SLC12A1: variants seen among roughly 807,000 people sequenced by gnomAD.
SLC12A1 encodes Na-K-2Cl cotransporter.
Under a neutral mutation model 130.4 loss-of-function variants are expected in SLC12A1, and 89 were observed. The observed-to-expected ratio is 0.68, with a 90% CI of 0.58 to 0.81. The LOEUF is 0.81. SLC12A1 is among the 40% of genes least tolerant of loss of function. SLC12A1 has a pLI of 0.00. For synonymous variants in SLC12A1, 499 were observed against 460.0 expected, an observed-to-expected ratio of 1.08 and a Z score of -1.09; for missense variants, 1,310 against 1,336.4, an observed-to-expected ratio of 0.98 and a Z score of 0.31.
At chr15:48,287,568 G>T (rs757104365) in intron 21 of SLC12A1, among the ~76,000 whole-genome samples, 1 of 152,084 alleles carries the variant, frequency 6.6e-6, no homozygotes, top group Non-Finnish European at 1.5e-5. Flanking sequence ...AGTGCTTCAT[G>T]AATCAATTCC....
At chr15:48,266,108 T>C (rs111972616) in intron 17 of SLC12A1, among the ~76,000 whole-genome samples, 17 of 152,202 alleles carry the variant, frequency 1.1e-4, no homozygotes, top group African/African-American at 3.6e-4. Flanking sequence ...GGCTATCATA[T>C]TGGGCAGTGA....
chr15:48,264,714 CTAA>C (rs1412682778), intron 17 of SLC12A1, among the ~76,000 whole-genome samples: 1 of 151,970 alleles, frequency 6.6e-6, no homozygotes, highest in Admixed American at 6.5e-5. Context: ...CAAAGACAGA[CTAA>C]TAAGACTTTC....
chr15:48,241,569 G>C lies in SLC12A1; in HGVS notation c.1270G>C (p.Val424Leu). 1 of 1,613,770 alleles carries C rather than the reference G, an allele frequency of 6.2e-7. No homozygotes were observed. The highest frequency in any genetic ancestry group is 8.5e-7 in the Non-Finnish European group (1 of 1,179,740). Residue 424 changes from valine to leucine, a missense_variant, in exon 10 of 27, where the codon GTT becomes CTT. By Grantham distance (32) the Val-to-Leu change is conservative. Transcript: ENST00000380993. ...GTMLAIFITTVAYLGVAICVG... is the reference protein window; with the variant it reads ...GTMLAIFITTLAYLGVAICVG... The stretch of plus-strand genomic sequence containing the variant: ...CATGCTGGCCATTTTCATCACCACT[G>C]TTGCCTACTTAGGGGTTGCAATTTG...
At chr15:48,258,179 G>A (rs1412591433) in intron 16 of SLC12A1, among the ~76,000 whole-genome samples, 1 of 78,570 alleles carries the variant, frequency 1.3e-5, no homozygotes, top group Non-Finnish European at 2.1e-5. Flanking sequence ...GGCTAAAACG[G>A]TGAAACCCCG....
rs186528072 is a variant in SLC12A1 at position 48,276,419 on chromosome 15, T to C, written c.2485+1766T>C. Among the ~76,000 whole-genome samples the C allele has an allele frequency of 2.4e-3, 360 of 152,250 alleles. 2 individuals carry two copies. Among genetic ancestry groups the C allele is most frequent in the African/African-American group, 8.4e-3 (347 of 41,548 alleles). ...TGACTGTATTTGGAGACAGGGTCTT[T>C]AAAGAGGTAATTAAGGTAAAATTAG... On this transcript the variant is annotated intron_variant, in intron 20 of 26. Coordinates refer to ENST00000380993, the MANE Select transcript of SLC12A1 (RefSeq NM_000338.3).
In SLC12A1 at chr15:48,247,332, A is replaced by G; in HGVS notation, c.1561-5A>G. On this transcript the variant is annotated splice_region_variant and splice_polypyrimidine_tract_variant and intron_variant, in intron 12 of 26. Transcript: ENST00000380993. ...TGACAAATTTCTTCTCTTCTTTTCC[A>G]TTAGGCTCTGTGCAAGGACAACATC... The G allele has an allele frequency of 6.2e-7, 1 of 1,603,696 alleles. No individual in the cohort carries two copies. The highest frequency in any genetic ancestry group is 8.5e-7 in the Non-Finnish European group (1 of 1,177,770).
intron 16 of SLC12A1, 37 bp from the exon 17 acceptor site, chr15:48,259,163 G>A: frequency 2.2e-6 from 3 of 1,354,636 alleles, no homozygotes; most frequent in Middle Eastern, 3.8e-4. Flanking sequence ...CAGGCTTCTT[G>A]CAGGGGCTCA....
In SLC12A1 at chr15:48,302,738, T is replaced by G. The variant is rs1321915059; in HGVS notation, c.3165-12T>G. On this transcript the variant is annotated splice_polypyrimidine_tract_variant and intron_variant, in intron 26 of 26. Transcript: ENST00000380993. ...TCACTTTCATTTTTAAATTTTTCCTTCATGTCATTAGGAGCCTTCCCGTGG... is the reference window on the plus strand; with the variant it reads ...TCACTTTCATTTTTAAATTTTTCCTGCATGTCATTAGGAGCCTTCCCGTGG... The G allele has an allele frequency of 6.3e-7, 1 of 1,587,158 alleles. No homozygotes were observed. The highest frequency in any genetic ancestry group is 2.3e-5 in the East Asian group (1 of 44,302).
Position 48,220,657 on chromosome 15 carries a change from A to T in SLC12A1, c.444A>T (p.Ser148=). The T allele has an allele frequency of 6.2e-7, 1 of 1,613,528 alleles. No homozygotes were observed. The highest frequency in any genetic ancestry group is 8.5e-7 in the Non-Finnish European group (1 of 1,179,638). The change falls in exon 3 of 27, where the codon TCA becomes TCT. Residue 148 remains serine (S), a synonymous_variant. Coordinates refer to ENST00000380993, the MANE Select transcript of SLC12A1 (RefSeq NM_000338.3). ...AGAATGTGGCAGTCACCCCAAGTTC[A>T]GCTGACAGAGTTGCTAACGGTGATG... The part of the protein sequence containing the change: ...LAKNVAVTPS[S]ADRVANGDGI...
chr15:48,227,508 C>T, intron 5 of SLC12A1: 1 of 317,252 alleles, frequency 3.2e-6, no homozygotes, highest in South Asian at 3.4e-5. Context: ...CAGCATGGGT[C>T]TTCTCCAATG....
At chr15:48,211,142 C>G (rs943422430) in intron 2 of SLC12A1, among the ~76,000 whole-genome samples, 1 of 151,984 alleles carries the variant, frequency 6.6e-6, no homozygotes, top group African/African-American at 2.4e-5. Flanking sequence ...TATCTAGGAC[C>G]CTTCATCTTG....
In SLC12A1 at chr15:48,279,694, T is replaced by C. The variant is rs773781991; in HGVS notation, c.2485+5041T>C. 2.8e-4 allele frequency among the ~76,000 whole-genome samples: 43 copies of C among 151,964 alleles called. 1 individual carries two copies. Among genetic ancestry groups the C allele is most frequent in the Non-Finnish European group, 5.1e-4 (35 of 67,982 alleles). On this transcript the variant is annotated intron_variant, in intron 20 of 26. Transcript: ENST00000380993. ...CAAGTTTTCCAACTACAACAAGGAGTCAAAATTGTACTGGTAAGAAATAAA... is the reference window on the plus strand; with the variant it reads ...CAAGTTTTCCAACTACAACAAGGAGCCAAAATTGTACTGGTAAGAAATAAA...
chr15:48,261,824 C>G (rs2141079573), intron 17 of SLC12A1, among the ~76,000 whole-genome samples: 1 of 152,226 alleles, frequency 6.6e-6, no homozygotes, highest in South Asian at 2.1e-4. Context: ...AGTTTCAAAT[C>G]ATTATTTTGC....
intron 10 of SLC12A1, among the ~76,000 whole-genome samples, chr15:48,242,175 C>A (rs2041524434): frequency 6.6e-6 from 1 of 152,210 alleles, no homozygotes. Flanking sequence ...GTGTACTCAC[C>A]TGCTGTTCCT....
At chr15:48,262,610 T>G (rs116032213) in intron 17 of SLC12A1, among the ~76,000 whole-genome samples, 2,439 of 152,194 alleles carry the variant, frequency 0.016, 61 homozygotes, top group African/African-American at 0.046. Flanking sequence ...TTCATCAGGG[T>G]AAATTTGGGG....
chr15:48,270,650 A>T (rs890532034), intron 19 of SLC12A1, among the ~76,000 whole-genome samples: 4 of 138,938 alleles, frequency 2.9e-5, no homozygotes, highest in African/African-American at 1.1e-4. Flanking sequence ...AGTATTTCAT[A>T]TATATATTAT....
At chr15:48,272,662 A>G (rs944380879) in intron 19 of SLC12A1, among the ~76,000 whole-genome samples, 9 of 152,174 alleles carry the variant, frequency 5.9e-5, no homozygotes, top group Admixed American at 4.6e-4. Flanking sequence ...TCCTGACCTC[A>G]GGTGATCCAC....
intron 17 of SLC12A1, among the ~76,000 whole-genome samples, chr15:48,262,247 G>A (rs967066158): frequency 2.6e-5 from 4 of 152,054 alleles, no homozygotes; most frequent in African/African-American, 4.8e-5. Flanking sequence ...GCAGGCTCTG[G>A]GCTCCATCCT....
At chr15:48,212,122 A>G (rs186264140) in intron 2 of SLC12A1, among the ~76,000 whole-genome samples, 1 of 152,290 alleles carries the variant, frequency 6.6e-6, no homozygotes, top group Admixed American at 6.5e-5. Flanking sequence ...GTAAGAATTC[A>G]ATAAATGATC....
Sources: gnomAD v4.1 joint callset for allele counts (sites outside exome capture counted in the v4.1 genomes callset) on GRCh38, gnomAD v4.1.1 for gene constraint, MANE v1.5 for transcripts, NCBI Gene and HGNC (gene_info 2026-07-23, HGNC 2026-07-21) for gene names.